Variants in HERC3 observed in about 807,000 individuals in gnomAD.
HERC3 encodes the protein HECT and RLD domain containing E3 ubiquitin protein ligase 3.
In HERC3, 58 loss-of-function variants were observed where a neutral mutation model predicts 129.9. That is an observed-to-expected ratio of 0.45 (90% CI 0.36 to 0.56). HERC3 has a LOEUF of 0.56. Among genes scored for constraint, HERC3 ranks in the 20% least tolerant of loss-of-function variants. The probability of loss-of-function intolerance (pLI) is 0.00; values close to 1 mark genes in which losing one functional copy is unlikely to be tolerated. For synonymous variants in HERC3, 430 were observed against 451.0 expected (o/e 0.95, Z 0.59); for missense variants, 835 against 1,244.2 (o/e 0.67, Z 4.95).
intron 23 of HERC3, among the ~76,000 whole-genome samples, chr4:88,698,126 T>C (rs528488487): frequency 1.3e-5 from 2 of 152,210 alleles, no homozygotes; most frequent in East Asian, 3.9e-4. Context: ...CCTCAGACCA[T>C]TTTCCGTGTG....
At chr4:88,706,644 C>A in intron 25 of HERC3, 108 bp from the exon 26 acceptor site, 1 of 798,536 alleles carries the variant, frequency 1.3e-6, no homozygotes, top group Non-Finnish European at 2.1e-6. Context: ...AATTGTACTT[C>A]TCATGCAAGC....
chr4:88,608,087 T>C (rs909479057), intron 3 of HERC3, among the ~76,000 whole-genome samples: 1 of 152,252 alleles, frequency 6.6e-6, no homozygotes, highest in Non-Finnish European at 1.5e-5. Context: ...TCTGTGACAC[T>C]GTCTCCCTCT....
intron 21 of HERC3, chr4:88,684,893 G>C (rs1309646177): frequency 2.0e-5 from 3 of 152,274 alleles, no homozygotes; most frequent in Admixed American, 1.3e-4. Flanking sequence ...CCTTGCGCAG[G>C]GGCCATGCTA....
chr4:88,572,583 G>C, the HERC3 span, among the ~76,000 whole-genome samples: 1 of 151,774 alleles, frequency 6.6e-6, no homozygotes, highest in East Asian at 1.9e-4. Flanking sequence ...GGCCAAGGTG[G>C]GTGTATCACG....
chr4:88,696,998 A>G (rs1175538155), intron 23 of HERC3: 1 of 471,580 alleles, frequency 2.1e-6, no homozygotes, highest in African/African-American at 2.0e-5. Context: ...CTTTTGATAT[A>G]TTTATTATGT....
intron 3 of HERC3, among the ~76,000 whole-genome samples, chr4:88,608,341 G>T (rs1217039501): frequency 5.3e-5 from 8 of 152,134 alleles, no homozygotes. Flanking sequence ...TACTCATCTG[G>T]GGGCAGTACC....
At chr4:88,550,258 A>G in the HERC3 span, among the ~76,000 whole-genome samples, 3 of 152,138 alleles carry the variant, frequency 2.0e-5, no homozygotes, top group Admixed American at 6.6e-5. Flanking sequence ...ACTCCTATTC[A>G]ACATAGTGTT....
At chr4:88,617,092 T>C (rs1252361292) in intron 3 of HERC3, among the ~76,000 whole-genome samples, 1 of 148,464 alleles carries the variant, frequency 6.7e-6, no homozygotes, top group Non-Finnish European at 1.5e-5. Context: ...TCTCCTTTAG[T>C]ACGCTTCACT....
intron 23 of HERC3, chr4:88,696,566 A>G (rs1168089231): frequency 6.6e-6 from 1 of 152,622 alleles, no homozygotes; most frequent in African/African-American, 2.4e-5. Flanking sequence ...TCTTGGAACC[A>G]TGTTGTTTCT....
chr4:88,608,969 T>C (rs1188463892), intron 3 of HERC3, among the ~76,000 whole-genome samples: 1 of 152,172 alleles, frequency 6.6e-6, no homozygotes, highest in Non-Finnish European at 1.5e-5. Flanking sequence ...ATAAAACTAA[T>C]GGAGGCATTA....
At chr4:88,629,129 G>C (rs1726463719) in intron 3 of HERC3, among the ~76,000 whole-genome samples, 1 of 152,238 alleles carries the variant, frequency 6.6e-6, no homozygotes, top group African/African-American at 2.4e-5. Context: ...CTGTACTCCA[G>C]CCTGGGTGAC....
At chr4:88,543,089 G>A in the HERC3 span, among the ~76,000 whole-genome samples, 1 of 152,122 alleles carries the variant, frequency 6.6e-6, no homozygotes, top group African/African-American at 2.4e-5. Context: ...TCTGGCCAGG[G>A]CAATTAGGCA....
At chr4:88,586,977 C>T in the HERC3 span, among the ~76,000 whole-genome samples, 7 of 152,054 alleles carry the variant, frequency 4.6e-5, no homozygotes, top group East Asian at 1.9e-4. Flanking sequence ...TCTAGGCTTT[C>T]GAGAGCCAAC....
the HERC3 span, among the ~76,000 whole-genome samples, chr4:88,539,682 C>T: frequency 6.6e-6 from 1 of 152,158 alleles, no homozygotes. Flanking sequence ...ACACCTCATA[C>T]AGGCAGGTGA....
At chr4:88,633,197 C>A (rs1245276040) in intron 3 of HERC3, among the ~76,000 whole-genome samples, 2 of 152,128 alleles carry the variant, frequency 1.3e-5, no homozygotes, top group Admixed American at 1.3e-4. Flanking sequence ...TCAGAGAATT[C>A]AACTAGCAGG....
intron 3 of HERC3, among the ~76,000 whole-genome samples, chr4:88,620,270 C>T (rs765242209): frequency 5.9e-5 from 9 of 152,216 alleles, no homozygotes; most frequent in Non-Finnish European, 1.3e-4. Flanking sequence ...GCCTCAACTA[C>T]TTAATTTCAG....
intron 3 of HERC3, among the ~76,000 whole-genome samples, chr4:88,623,361 C>G (rs1725752972): frequency 6.6e-6 from 1 of 152,238 alleles, no homozygotes; most frequent in Non-Finnish European, 1.5e-5. Flanking sequence ...TACTCATCCT[C>G]TGTCCTCCCA....
the HERC3 span, among the ~76,000 whole-genome samples, chr4:88,566,140 C>T: frequency 2.0e-5 from 3 of 152,104 alleles, no homozygotes; most frequent in Admixed American, 2.0e-4. Flanking sequence ...CTTCACCCTC[C>T]AAAAGGCCTC....
intron 23 of HERC3, chr4:88,689,935 T>C (rs977261102): frequency 6.8e-5 from 62 of 913,438 alleles, no homozygotes; most frequent in Non-Finnish European, 7.9e-5. Flanking sequence ...CATCATTCAT[T>C]AACCATTTTT....
Sources: gnomAD v4.1 joint callset for allele counts (sites outside exome capture counted in the v4.1 genomes callset) on GRCh38, gnomAD v4.1.1 for gene constraint, MANE v1.5 for transcripts, NCBI Gene and HGNC (gene_info 2026-07-23, HGNC 2026-07-21) for gene names.